The following CPO variants were observed in gnomAD, a reference collection of about 807,000 sequenced individuals.
The protein encoded by CPO is carboxypeptidase O, also known as metallocarboxypeptidase C.
In CPO, 43 loss-of-function variants were observed where a neutral mutation model predicts 41.2. The ratio of observed to expected loss-of-function variants is 1.04; its 90% CI spans 0.82 to 1.35. CPO has a LOEUF of 1.35. CPO is among the 40% of genes most tolerant of loss of function. The pLI is 0.00. For missense variants in CPO, 408 were observed against 451.7 expected, an observed-to-expected ratio of 0.90 and a Z score of 0.88; for synonymous variants, 178 against 162.7, an observed-to-expected ratio of 1.09 and a Z score of -0.72.
At chr2:206,946,540 T>C (rs953798993) in intron 1 of CPO, among the ~76,000 whole-genome samples, 2 of 152,186 alleles carry the variant, frequency 1.3e-5, no homozygotes, top group Non-Finnish European at 2.9e-5. Context: ...GAAGCTTTCC[T>C]ACTAAGGTGA....
chr2:206,963,543 T>G (rs530193094), intron 7 of CPO, among the ~76,000 whole-genome samples: 1 of 152,334 alleles, frequency 6.6e-6, no homozygotes, highest in Admixed American at 6.5e-5. Flanking sequence ...CTCTACTGTC[T>G]GTTTCTATGA....
rs540483852 is a variant in CPO at position 206,946,213 on chromosome 2, C to T, written c.69-3404C>T. Among the ~76,000 whole-genome samples, 4 of 152,036 alleles carry T rather than the reference C, an allele frequency of 2.6e-5. No homozygotes were observed. The South Asian group carries it at 8.3e-4, about 32-fold the overall frequency. On this transcript the variant is annotated intron_variant, in intron 1 of 8. Transcript: ENST00000272852. ...TACAGACCAATATCTCTCATGAACA[C>T]AGATAGAAAAATCTTCAATGAAATA...
intron 1 of CPO, among the ~76,000 whole-genome samples, chr2:206,949,278 G>A (rs1367088242): frequency 6.6e-6 from 1 of 152,158 alleles, no homozygotes; most frequent in Non-Finnish European, 1.5e-5. Flanking sequence ...TTAGAACAGT[G>A]CATGTCTCGT....
chr2:206,948,238 C>T (rs1693183243), intron 1 of CPO, among the ~76,000 whole-genome samples: 2 of 152,150 alleles, frequency 1.3e-5, no homozygotes, highest in African/African-American at 4.8e-5. Context: ...TGGAATATTA[C>T]ACAGTGCTAA....
At chr2:206,968,596 G>A (rs899524516) in intron 8 of CPO, among the ~76,000 whole-genome samples, 1 of 152,234 alleles carries the variant, frequency 6.6e-6, no homozygotes, top group Non-Finnish European at 1.5e-5. Flanking sequence ...CCTGGCTTCA[G>A]TTAAAAAGAG....
At chr2:206,944,731 CAAT>C (rs1693110880) in intron 1 of CPO, among the ~76,000 whole-genome samples, 1 of 151,694 alleles carries the variant, frequency 6.6e-6, no homozygotes, top group Admixed American at 6.6e-5. Context: ...ATATTACTAA[CAAT>C]TAATAATAAT....
In CPO at chr2:206,962,481, C is replaced by G; in HGVS notation, c.644C>G (p.Thr215Ser). The G allele has an allele frequency of 2.5e-6, 4 of 1,614,190 alleles. No homozygotes were observed. The highest frequency in any genetic ancestry group is 3.4e-6 in the Non-Finnish European group (4 of 1,180,006). Residue 215 changes from threonine (T) to serine (S), a missense_variant, in exon 7 of 9, where the codon ACT becomes AGT. Physicochemically the swap from Thr to Ser is moderately conservative, Grantham distance 58. Coordinates refer to ENST00000272852, the MANE Select transcript of CPO (RefSeq NM_173077.3). Reference sequence around the variant, plus strand: ...ACAGGGCCAGTGTCTGAACCAGAGACTAAAGCTGTTGCCAGCTTCATAGAG... The same window carrying G: ...ACAGGGCCAGTGTCTGAACCAGAGAGTAAAGCTGTTGCCAGCTTCATAGAG... The part of the protein sequence containing the change: ...CGTGPVSEPE[T>S]KAVASFIESK...
intron 2 of CPO, among the ~76,000 whole-genome samples, chr2:206,950,405 G>A (rs36133073): frequency 6.6e-6 from 1 of 152,120 alleles, no homozygotes; most frequent in African/African-American, 2.4e-5. Context: ...CTAGAATGGC[G>A]ATCATTAAAA....
intron 7 of CPO, among the ~76,000 whole-genome samples, chr2:206,967,358 T>C (rs11886008): frequency 1.1e-5 from 1 of 94,366 alleles, no homozygotes; most frequent in Non-Finnish European, 2.3e-5. Flanking sequence ...TATAGATATA[T>C]AGATATAGAT....
intron 7 of CPO, among the ~76,000 whole-genome samples, chr2:206,967,645 A>G (rs1693610801): frequency 6.6e-6 from 1 of 152,188 alleles, no homozygotes; most frequent in South Asian, 2.1e-4. Flanking sequence ...AAGGCTGAGG[A>G]ATGGTAGGAA....
At chr2:206,941,286 T>C (rs1371922919) in intron 1 of CPO, among the ~76,000 whole-genome samples, 1 of 152,056 alleles carries the variant, frequency 6.6e-6, no homozygotes, top group Admixed American at 6.6e-5. Context: ...TGGGATATTA[T>C]TCATGCAATA....
chr2:206,963,023 T>C (rs16839033), intron 7 of CPO, among the ~76,000 whole-genome samples: 160 of 152,358 alleles, frequency 1.1e-3, no homozygotes, highest in African/African-American at 3.8e-3. Flanking sequence ...TAAAATAACA[T>C]GGCTAAATAA....
intron 1 of CPO, among the ~76,000 whole-genome samples, chr2:206,943,252 C>G (rs116174371): frequency 0.01 from 1,553 of 152,168 alleles, 31 homozygotes; most frequent in African/African-American, 0.036. Context: ...CAGCCAGCTT[C>G]CTTGTTCTCA....
chr2:206,951,189 CA>C (rs1233386424), intron 2 of CPO, among the ~76,000 whole-genome samples: 3 of 152,094 alleles, frequency 2.0e-5, no homozygotes, highest in African/African-American at 7.2e-5. Flanking sequence ...CTATAATCTC[CA>C]TACAGTAAAA....
At chr2:206,939,712 T>G in intron 1 of CPO, 45 bp downstream of exon 1, 1 of 1,511,284 alleles carries the variant, frequency 6.6e-7, no homozygotes, top group Non-Finnish European at 9.2e-7. Flanking sequence ...TAATTTAGAT[T>G]GTCTAAATTG....
Position 206,959,754 on chromosome 2 carries a change from T to C in CPO, c.483+13T>C. The C allele has an allele frequency of 1.7e-6, 2 of 1,161,216 alleles. No individual in the cohort carries two copies. Among genetic ancestry groups the C allele is most frequent in the Non-Finnish European group, 2.6e-6 (2 of 769,244 alleles). The allele number at this position is 1,161,216 out of a possible 1,614,324, so 71.9% of individuals were successfully genotyped here. On this transcript the variant is annotated intron_variant, in intron 5 of 8. Coordinates refer to ENST00000272852, the MANE Select transcript of CPO (RefSeq NM_173077.3). ...CACTTGGACAACTGTGAGTACACCATGTTTGGTCCTGGGATGAGTTCATGA... is the reference window on the plus strand; with the variant it reads ...CACTTGGACAACTGTGAGTACACCACGTTTGGTCCTGGGATGAGTTCATGA...
intron 1 of CPO, among the ~76,000 whole-genome samples, chr2:206,940,540 C>T (rs1040467888): frequency 6.6e-6 from 1 of 151,678 alleles, no homozygotes; most frequent in Non-Finnish European, 1.5e-5. Context: ...TATAAATTGC[C>T]CATTAATGTC....
chr2:206,959,739 A>G lies in CPO; in HGVS notation c.481A>G (p.Thr161Ala). 7.6e-7 allele frequency: 1 copy of G among 1,324,034 alleles called. No homozygotes were observed. Among genetic ancestry groups the G allele is most frequent in the African/African-American group, 1.4e-5 (1 of 69,128 alleles). 82.0% of individuals were successfully genotyped at this position (1,324,034 alleles called of 1,614,324 possible). Residue 161 changes from threonine (T) to alanine (A), a missense_variant and splice_region_variant, in exon 5 of 9, where the codon ACT becomes GCT. Physicochemically the swap from Thr to Ala is moderately conservative, Grantham distance 58. Transcript: ENST00000272852. ...NIDGYIYTWTTDRLWRKSRSP... is the reference protein window; with the variant it reads ...NIDGYIYTWTADRLWRKSRSP... ...AGATGGTTATATCTACACTTGGACA[A>G]CTGTGAGTACACCATGTTTGGTCCT...
rs115545791 is a variant in CPO at position 206,944,611 on chromosome 2, A to C, written c.68+4944A>C. Among the ~76,000 whole-genome samples the C allele has an allele frequency of 2.3e-3, 349 of 152,188 alleles. 2 individuals are homozygous for C. The highest frequency in any genetic ancestry group is 8.0e-3 in the African/African-American group (332 of 41,578). On this transcript the variant is annotated intron_variant, in intron 1 of 8. Transcript: ENST00000272852. ...TTGGACAATTCTATCTCATGAAGAC[A>C]CTGAGATTGTCTTTTCATTTGGACA...
Sources: gnomAD v4.1 joint callset for allele counts (sites outside exome capture counted in the v4.1 genomes callset) on GRCh38, gnomAD v4.1.1 for gene constraint, MANE v1.5 for transcripts, NCBI Gene and HGNC (gene_info 2026-07-23, HGNC 2026-07-21) for gene names.